The following LARP4 variants were observed in gnomAD, a reference collection of about 807,000 sequenced individuals.
The protein encoded by LARP4 is La ribonucleoprotein 4.
Under a neutral mutation model 92.9 loss-of-function variants are expected in LARP4, and 29 were observed. That is an observed-to-expected ratio of 0.31 (90% CI 0.23 to 0.43). The LOEUF is 0.43. Ranked by LOEUF, LARP4 falls within the 20% of genes least tolerant of loss-of-function variation. LARP4 has a pLI of 1.00. For synonymous variants in LARP4, 279 were observed against 284.1 expected (o/e 0.98, Z 0.18); for missense variants, 732 against 860.0 (o/e 0.85, Z 1.86).
chr12:50,404,815 G>A (rs1202469822), intron 1 of LARP4, among the ~76,000 whole-genome samples: 1 of 148,246 alleles, frequency 6.7e-6, no homozygotes, highest in Non-Finnish European at 1.5e-5. Flanking sequence ...TCAGCCTCCC[G>A]AGTAGCTGGG....
At chr12:50,422,183 T>C (rs1248728343) in intron 1 of LARP4, among the ~76,000 whole-genome samples, 1 of 152,144 alleles carries the variant, frequency 6.6e-6, no homozygotes, top group Admixed American at 6.6e-5. Flanking sequence ...CAGGTTGGTC[T>C]CACACTCCTG....
chr12:50,449,721 T>C (rs1288881066), intron 8 of LARP4, among the ~76,000 whole-genome samples: 3 of 152,152 alleles, frequency 2.0e-5, no homozygotes, highest in Non-Finnish European at 4.4e-5. Flanking sequence ...TTCATTACCC[T>C]GAGTTACAGG....
At chr12:50,444,296 T>C (rs1049018213) in intron 8 of LARP4, among the ~76,000 whole-genome samples, 11 of 152,200 alleles carry the variant, frequency 7.2e-5, no homozygotes, top group Non-Finnish European at 4.4e-5. Context: ...ATCACTATTT[T>C]GATTATTCCT....
chr12:50,440,049 A>G (rs1396684533), intron 6 of LARP4, among the ~76,000 whole-genome samples: 1 of 152,258 alleles, frequency 6.6e-6, no homozygotes, highest in Non-Finnish European at 1.5e-5. Flanking sequence ...GGAAAAGGAC[A>G]GGGGAGATTT....
At chr12:50,469,024 T>C (rs1211921543) in intron 13 of LARP4, among the ~76,000 whole-genome samples, 1 of 152,106 alleles carries the variant, frequency 6.6e-6, no homozygotes, top group Non-Finnish European at 1.5e-5. Flanking sequence ...TTTCTCACTC[T>C]TGTTTCACTC....
intron 5 of LARP4, 130 bp downstream of exon 5, chr12:50,435,754 TTC>T (rs770654119): frequency 1.5e-5 from 10 of 687,316 alleles, no homozygotes; most frequent in African/African-American, 5.5e-5. Flanking sequence ...TTGTTCCGAA[TTC>T]TCTCTCTTTG....
chr12:50,408,678 C>G (rs1216822047), intron 1 of LARP4, among the ~76,000 whole-genome samples: 2 of 152,134 alleles, frequency 1.3e-5, no homozygotes, highest in Admixed American at 1.3e-4. Flanking sequence ...TTTTCTGTGA[C>G]AGATGTTTTA....
intron 8 of LARP4, among the ~76,000 whole-genome samples, chr12:50,450,636 T>A (rs1260297558): frequency 6.6e-6 from 1 of 151,936 alleles, no homozygotes; most frequent in Non-Finnish European, 1.5e-5. Context: ...GTAGCTGGGA[T>A]TACAGGTGTG....
chr12:50,424,800 A>G (rs1054479902), intron 1 of LARP4, among the ~76,000 whole-genome samples: 4 of 152,184 alleles, frequency 2.6e-5, no homozygotes, highest in African/African-American at 9.7e-5. Context: ...CTGTTTTTGG[A>G]TTCAGGAGTG....
In LARP4 at chr12:50,404,300, A is replaced by G. The variant is rs183353492; in HGVS notation, c.18+3272A>G. Among the ~76,000 whole-genome samples, 891 of 152,326 alleles carry G rather than the reference A, an allele frequency of 5.8e-3. 7 individuals carry two copies. Among genetic ancestry groups the G allele is most frequent in the Non-Finnish European group, 0.01 (694 of 68,022 alleles). The stretch of plus-strand genomic sequence containing the variant: ...ACAGCTAGTGAACATGGAAGCTTGT[A>G]TTAGAACTCATCAACCACCTACTTG... On this transcript the variant is annotated intron_variant, in intron 1 of 15. Transcript: ENST00000398473.
intron 13 of LARP4, among the ~76,000 whole-genome samples, chr12:50,471,421 A>G (rs995423761): frequency 6.6e-6 from 1 of 152,198 alleles, no homozygotes; most frequent in African/African-American, 2.4e-5. Context: ...TAAAATATTT[A>G]TTCATTGTAC....
At chr12:50,437,874 C>A in intron 6 of LARP4, 36 bp downstream of exon 6, 3 of 1,326,482 alleles carry the variant, frequency 2.3e-6, no homozygotes, top group African/African-American at 1.5e-5. Context: ...TAAATGTTCT[C>A]TGTTTAAATT....
rs1188496468 is a variant in LARP4, at chr12:50,479,826, G to A, written c.*3962G>A. 6.6e-6 allele frequency: 1 copy of A among 152,248 alleles called. No individual in the cohort carries two copies. The highest frequency in any genetic ancestry group is 2.4e-5 in the African/African-American group (1 of 41,392). The allele number at this position is 152,248 out of a possible 1,614,324, so 9.4% of individuals were successfully genotyped here. A position where few individuals can be genotyped will look rare whatever the true frequency, so the allele number is the denominator to read the frequency against. ...GAGCCAGTTATCCGGCTTCTGTTTT[G>A]TCGATTGCTTAGATTTGTTCCTGTT... On this transcript the variant is annotated 3_prime_UTR_variant, in exon 16 of 16. Transcript: ENST00000398473.
At chr12:50,473,241 CTT>C (rs1440110235) in intron 13 of LARP4, among the ~76,000 whole-genome samples, 172 bp from the exon 14 acceptor site, 1 of 152,030 alleles carries the variant, frequency 6.6e-6, no homozygotes, top group Non-Finnish European at 1.5e-5. Flanking sequence ...TAATGTTTGT[CTT>C]TTTTTTAATT....
intron 13 of LARP4, among the ~76,000 whole-genome samples, chr12:50,472,057 GTTC>G (rs1375298609): frequency 3.9e-5 from 6 of 152,158 alleles, no homozygotes; most frequent in Admixed American, 2.6e-4. Flanking sequence ...TCCAGATCAT[GTTC>G]TTATTTATAT....
intron 13 of LARP4, among the ~76,000 whole-genome samples, chr12:50,469,208 TA>T (rs1234361518): frequency 6.6e-6 from 1 of 152,194 alleles, no homozygotes; most frequent in Non-Finnish European, 1.5e-5. Context: ...CTTGTTTCTT[TA>T]AAAAAATATT....
rs1956227803 is a variant in LARP4 at position 50,466,939 on chromosome 12, T to C, written c.1384-20T>C. The C allele has an allele frequency of 1.3e-6, 2 of 1,596,940 alleles. No individual in the cohort carries two copies. The highest frequency in any genetic ancestry group is 8.6e-7 in the Non-Finnish European group (1 of 1,167,510). Reference sequence around the variant, plus strand: ...GAATGAGATAGCCATGTGACCTGTTTTATTATTTGTTCATTTTAGAGACCT... The same window carrying C: ...GAATGAGATAGCCATGTGACCTGTTCTATTATTTGTTCATTTTAGAGACCT... On this transcript the variant is annotated intron_variant, in intron 12 of 15. Transcript: ENST00000398473.
At chr12:50,473,341 T>C in intron 13 of LARP4, 74 bp from the exon 14 acceptor site, 7 of 1,113,880 alleles carry the variant, frequency 6.3e-6, no homozygotes, top group Non-Finnish European at 9.3e-6. Context: ...CATCTTCTCT[T>C]GTGCTTATTA....
At chr12:50,434,826 C>T (rs954907922) in intron 4 of LARP4, among the ~76,000 whole-genome samples, 4 of 151,894 alleles carry the variant, frequency 2.6e-5, no homozygotes, top group Non-Finnish European at 4.4e-5. Flanking sequence ...GGATGGATCA[C>T]GAGGTCAGGA....
Sources: gnomAD v4.1 joint callset for allele counts (sites outside exome capture counted in the v4.1 genomes callset) on GRCh38, gnomAD v4.1.1 for gene constraint, MANE v1.5 for transcripts, NCBI Gene and HGNC (gene_info 2026-07-23, HGNC 2026-07-21) for gene names.